IL23R: variants seen among roughly 807,000 people sequenced by gnomAD.
IL23R encodes the protein interleukin-23 receptor.
IL23R carries 34 observed loss-of-function variants against 56.9 expected under a neutral mutation model. The ratio of observed to expected loss-of-function variants is 0.60; its 90% confidence interval spans 0.45 to 0.80. IL23R has a LOEUF of 0.80. Ranked by LOEUF, IL23R falls within the 30% of genes least tolerant of loss-of-function variation. The pLI, the probability that IL23R is intolerant of heterozygous loss-of-function variation, is 0.00. For synonymous variants in IL23R, 230 were observed against 249.2 expected, an observed-to-expected ratio of 0.92 and a Z score of 0.73; for missense variants, 635 against 730.0, an observed-to-expected ratio of 0.87 and a Z score of 1.50.
intron 3 of IL23R, among the ~76,000 whole-genome samples, chr1:67,179,344 G>A (rs1227503988): frequency 2.0e-5 from 3 of 152,138 alleles, no homozygotes; most frequent in African/African-American, 7.2e-5. Flanking sequence ...GTTTAGTCTT[G>A]GGAGGGTGTA....
chr1:67,175,005 T>C (rs1646989679), intron 3 of IL23R, among the ~76,000 whole-genome samples: 1 of 152,030 alleles, frequency 6.6e-6, no homozygotes, highest in South Asian at 2.1e-4. Context: ...AGAATTCTGA[T>C]TGGTTCATCT....
intron 3 of IL23R, among the ~76,000 whole-genome samples, chr1:67,173,266 C>G (rs960061202): frequency 6.6e-6 from 1 of 152,122 alleles, no homozygotes; most frequent in Non-Finnish European, 1.5e-5. Context: ...TTCATGTTAA[C>G]AAACACTTAT....
intron 8 of IL23R, 82 bp downstream of exon 8, chr1:67,236,884 A>T: frequency 3.4e-6 from 3 of 893,460 alleles, no homozygotes; most frequent in Admixed American, 1.8e-5. Flanking sequence ...AAATCACATC[A>T]GGTGTTAAGT....
chr1:67,253,395 T>C (rs1652758062), intron 9 of IL23R, among the ~76,000 whole-genome samples: 1 of 152,244 alleles, frequency 6.6e-6, no homozygotes, highest in African/African-American at 2.4e-5. Flanking sequence ...GGTGTGGCAG[T>C]TCCCCAGTGT....
At chr1:67,257,381 C>A (rs955536368) in intron 10 of IL23R, among the ~76,000 whole-genome samples, 1 of 152,140 alleles carries the variant, frequency 6.6e-6, no homozygotes, top group Non-Finnish European at 1.5e-5. Flanking sequence ...GAGATCATCT[C>A]TTTCCTGTCT....
At chr1:67,141,384 T>C (rs1200749197) in intron 1 of IL23R, among the ~76,000 whole-genome samples, 1 of 152,152 alleles carries the variant, frequency 6.6e-6, no homozygotes, top group African/African-American at 2.4e-5. Context: ...AAAAGACTTT[T>C]TTCTTCTTGT....
intron 4 of IL23R, among the ~76,000 whole-genome samples, chr1:67,188,372 T>C (rs1647502182): frequency 6.6e-6 from 1 of 152,176 alleles, no homozygotes. Context: ...TCTGTCTGGA[T>C]GGGAACCTGG....
intron 6 of IL23R, among the ~76,000 whole-genome samples, chr1:67,219,141 C>T (rs947341366): frequency 9.2e-5 from 14 of 151,586 alleles, no homozygotes; most frequent in East Asian, 1.9e-4. Context: ...CCAAGGTGGG[C>T]GGATCACTTG....
intron 4 of IL23R, among the ~76,000 whole-genome samples, chr1:67,199,085 C>A (rs1376931286): frequency 3.3e-5 from 5 of 152,080 alleles, no homozygotes; most frequent in Admixed American, 3.3e-4. Flanking sequence ...GCTAGACAGT[C>A]CCAGAGACCC....
At chr1:67,200,553 T>C (rs1458388122) in intron 4 of IL23R, among the ~76,000 whole-genome samples, 184 bp from the exon 5 acceptor site, 2 of 151,902 alleles carry the variant, frequency 1.3e-5, no homozygotes, top group South Asian at 2.1e-4. Context: ...CCACCAATTA[T>C]TGTATTTTTT....
intron 6 of IL23R, among the ~76,000 whole-genome samples, chr1:67,216,584 A>T (rs1286827193): frequency 6.6e-6 from 1 of 152,222 alleles, no homozygotes; most frequent in Non-Finnish European, 1.5e-5. Flanking sequence ...ACAATTATGT[A>T]AATGAATGGG....
Position 67,259,187 on chromosome 1 carries a change from C to A in IL23R, c.*59C>A. The A allele has an allele frequency of 1.3e-6, 2 of 1,531,132 alleles. No individual in the cohort carries two copies. Among genetic ancestry groups the A allele is most frequent in the Non-Finnish European group, 1.8e-6 (2 of 1,107,364 alleles). 94.8% of individuals were successfully genotyped at this position (1,531,132 alleles called of 1,614,324 possible). A position where few individuals can be genotyped will look rare whatever the true frequency, so the allele number is the denominator to read the frequency against. On this transcript the variant is annotated 3_prime_UTR_variant, in exon 11 of 11. Coordinates refer to ENST00000347310, the MANE Select transcript of IL23R (RefSeq NM_144701.3). ...CCTTGCAATCTGAACTTGGGTTTTC[C>A]CTGCAATAGAAATTGAATTCTGCCT...
At chr1:67,261,433 T>G (rs1487509296), downstream of IL23R, among the ~76,000 whole-genome samples, 1 of 144,522 alleles carries the variant, frequency 6.9e-6, no homozygotes, top group East Asian at 2.3e-4. Context: ...TATCCCCTGA[T>G]ACTTTTACAT....
chr1:67,210,870 A>T (rs1465303052), intron 6 of IL23R, among the ~76,000 whole-genome samples: 2 of 152,206 alleles, frequency 1.3e-5, no homozygotes, highest in Non-Finnish European at 2.9e-5. Context: ...AATACATTAA[A>T]CATAACTTAA....
intron 9 of IL23R, among the ~76,000 whole-genome samples, chr1:67,246,576 A>G (rs1313717837): frequency 6.6e-6 from 1 of 152,308 alleles, no homozygotes; most frequent in East Asian, 1.9e-4. Flanking sequence ...TTTACCCAGT[A>G]GTCACTCAGG....
chr1:67,202,834 C>T (rs942459812), intron 5 of IL23R, among the ~76,000 whole-genome samples: 1 of 152,130 alleles, frequency 6.6e-6, no homozygotes, highest in Non-Finnish European at 1.5e-5. Context: ...CTTGGCCTCA[C>T]AAAATGCTGG....
At chr1:67,202,907 A>G (rs1648741665) in intron 5 of IL23R, among the ~76,000 whole-genome samples, 1 of 152,192 alleles carries the variant, frequency 6.6e-6, no homozygotes, top group Non-Finnish European at 1.5e-5. Context: ...ACTCTGTTGA[A>G]TATGATGATG....
intron 10 of IL23R, among the ~76,000 whole-genome samples, chr1:67,257,885 G>T (rs1653036898): frequency 2.0e-5 from 3 of 152,004 alleles, no homozygotes; most frequent in South Asian, 2.1e-4. Flanking sequence ...TGTATTTTTA[G>T]TAGAGACAGG....
chr1:67,243,574 C>A (rs1003407685), intron 9 of IL23R, among the ~76,000 whole-genome samples: 10 of 152,028 alleles, frequency 6.6e-5, no homozygotes, highest in African/African-American at 2.4e-4. Flanking sequence ...GTTTTCTGTT[C>A]TTGTGTTAGT....
Sources: allele counts gnomAD v4.1 joint callset (sites outside exome capture counted in the v4.1 genomes callset), GRCh38; gene constraint gnomAD v4.1.1; transcripts MANE v1.5; gene names NCBI Gene and HGNC (gene_info 2026-07-23, HGNC 2026-07-21).